Variants in BCL9 observed in about 807,000 individuals in gnomAD.
BCL9 encodes BCL9 transcription coactivator.
In BCL9, 25 loss-of-function variants were observed where a neutral mutation model predicts 88.5. That is an observed-to-expected ratio of 0.28 (90% CI 0.21 to 0.39). The LOEUF is 0.39. BCL9 is among the 10% of genes least tolerant of loss of function. The pLI is 1.00. For missense variants in BCL9, 1,817 were observed against 1,877.8 expected, an observed-to-expected ratio of 0.97 and a Z score of 0.60; for synonymous variants, 711 against 673.3, an observed-to-expected ratio of 1.06 and a Z score of -0.87.
chr1:147,583,604 A>AT (rs1275938697), intron 1 of BCL9, among the ~76,000 whole-genome samples: 39 of 151,080 alleles, frequency 2.6e-4, no homozygotes, highest in African/African-American at 4.4e-4. Flanking sequence ...TAATTTTATG[A>AT]TTTTTTTTTA....
intron 1 of BCL9, among the ~76,000 whole-genome samples, chr1:147,569,890 C>G (rs781843532): frequency 6.6e-6 from 1 of 151,960 alleles, no homozygotes; most frequent in Non-Finnish European, 1.5e-5. Context: ...AATCAGGTTT[C>G]TGGCTTAGGC....
chr1:147,618,831 G>C lies in BCL9; in HGVS notation c.676G>C (p.Ala226Pro). The C allele has an allele frequency of 6.4e-7, 1 of 1,554,502 alleles. No individual in the cohort carries two copies. The highest frequency in any genetic ancestry group is 2.3e-5 in the East Asian group (1 of 44,350). ...TTGTCTTCAGAACACACAGATATCTGCCCTTCGGAATGATCCGAAACCTCT... is the reference window on the plus strand; with the variant it reads ...TTGTCTTCAGAACACACAGATATCTCCCCTTCGGAATGATCCGAAACCTCT... The part of the protein sequence containing the change: ...STAPLNTQIS[A>P]LRNDPKPLPQ... Residue 226 changes from alanine to proline, a missense_variant, in exon 8 of 10, where the codon GCC (alanine) becomes CCC (proline). Ala to Pro is a conservative substitution (Grantham distance 27). Transcript: ENST00000234739.
chr1:147,619,535 C>T lies in BCL9; in HGVS notation c.1380C>T (p.Asp460=), dbSNP rs1553204645. Residue 460 remains aspartate, a synonymous_variant, in exon 8 of 10, where the codon GAC becomes GAT. Transcript: ENST00000234739. This position sits in a 1 kb window ranked among gnomAD's most constrained non-coding sequence, Gnocchi z 4.1. ...CCCAGTCTGGGACCATAGGACCCGA[C>T]CACCTTGACCATATGACTCCCGAGC... ...MNSQSGTIGP[D]HLDHMTPEQI... The T allele has an allele frequency of 1.9e-6, 3 of 1,614,018 alleles. No individual in the cohort carries two copies. The highest frequency in any genetic ancestry group is 2.7e-5 in the African/African-American group (2 of 74,906).
rs1553205663 is a variant in BCL9 at position 147,622,647 on chromosome 1, A to G, written c.3163+116A>G. 1.4e-5 allele frequency: 19 copies of G among 1,317,192 alleles called. No individual in the cohort carries two copies. The South Asian group carries it at 2.5e-4, about 17-fold the overall frequency. 81.6% of individuals were successfully genotyped at this position (1,317,192 alleles called of 1,614,324 possible). Reference sequence around the variant, plus strand: ...GGTGGAAGTTCAACAAGTAGAAAAAATCTTCCATCTAAGGTAGTTTCAGTA... The same window carrying G: ...GGTGGAAGTTCAACAAGTAGAAAAAGTCTTCCATCTAAGGTAGTTTCAGTA... On this transcript the variant is annotated intron_variant, in intron 9 of 9. Transcript: ENST00000234739.
intron 1 of BCL9, among the ~76,000 whole-genome samples, chr1:147,564,135 G>A (rs587602299): frequency 4.6e-5 from 7 of 152,264 alleles, no homozygotes; most frequent in South Asian, 4.1e-4. Context: ...CTCTATAGGC[G>A]TGTGATCTCA....
At chr1:147,570,896 A>G (rs1437718550) in intron 1 of BCL9, among the ~76,000 whole-genome samples, 3 of 151,710 alleles carry the variant, frequency 2.0e-5, no homozygotes, top group Admixed American at 6.6e-5. Context: ...CAGCCTCCCA[A>G]AGTGCTGGGA....
chr1:147,571,639 C>T (rs371176260), intron 1 of BCL9, among the ~76,000 whole-genome samples: 2 of 152,122 alleles, frequency 1.3e-5, no homozygotes, highest in Non-Finnish European at 2.9e-5. Context: ...CATTTTCCTA[C>T]AGAGGGACCT....
At chr1:147,557,531 C>A (rs1053994035) in intron 1 of BCL9, among the ~76,000 whole-genome samples, 6 of 152,084 alleles carry the variant, frequency 3.9e-5, no homozygotes, top group Non-Finnish European at 7.4e-5. Flanking sequence ...AGGGTAGAGG[C>A]TTGGTGATCG....
At chr1:147,581,197 G>C (rs1269437459) in intron 1 of BCL9, among the ~76,000 whole-genome samples, 3 of 152,128 alleles carry the variant, frequency 2.0e-5, no homozygotes, top group African/African-American at 7.2e-5. Context: ...ACTGGGAAAA[G>C]GCTTCCTTAT....
At chr1:147,614,679 C>G in intron 6 of BCL9, 63 bp downstream of exon 6, 1 of 1,452,014 alleles carries the variant, frequency 6.9e-7, no homozygotes, top group Non-Finnish European at 9.3e-7. Context: ...ATTCTTATTC[C>G]CATTGCAGAT....
intron 1 of BCL9, among the ~76,000 whole-genome samples, chr1:147,560,458 C>T (rs1221669208): frequency 1.3e-5 from 2 of 151,844 alleles, no homozygotes; most frequent in African/African-American, 2.4e-5. Context: ...GGCTTGGTGG[C>T]TGGTGCCTGT....
chr1:147,616,834 A>G (rs587740970), intron 7 of BCL9, among the ~76,000 whole-genome samples: 22 of 152,178 alleles, frequency 1.4e-4, no homozygotes, highest in African/African-American at 5.1e-4. Context: ...GAACCAAAAG[A>G]TACTTCTTGT....
At position 147,619,317 on chromosome 1, in the gene BCL9, C is replaced by T. The variant is rs782220173; in HGVS notation, c.1162C>T (p.Pro388Ser). 35 of 1,614,008 alleles carry T rather than the reference C, an allele frequency of 2.2e-5. No homozygotes were observed. Among genetic ancestry groups the T allele is most frequent in the Non-Finnish European group, 2.7e-5 (32 of 1,180,024 alleles). Residue 388 changes from proline (P) to serine (S), a missense_variant, in exon 8 of 10, where the codon CCG becomes TCG. Physicochemically the swap from Pro to Ser is moderately conservative, Grantham distance 74. Around this residue, in one of 2 missense-constraint regions of BCL9, gnomAD observed 1,228 missense variants for 1,191.6 expected, o/e 1.03. Transcript: ENST00000234739. This position sits in a 1 kb window ranked among gnomAD's most constrained non-coding sequence, Gnocchi z 4.1. ...KEFTGAQSGG[P>S]QQNPGVLDGP... ...ATTCACAGGAGCACAAAGTGGGGGA[C>T]CGCAGCAGAATCCTGGGGTATTAGA...
intron 1 of BCL9, among the ~76,000 whole-genome samples, chr1:147,603,850 T>A (rs1221348168): frequency 2.6e-5 from 4 of 152,174 alleles, no homozygotes; most frequent in Non-Finnish European, 5.9e-5. Context: ...TGTGCTCCTT[T>A]GGCAATCTAG....
rs782738869 is a variant in BCL9 at position 147,619,034 on chromosome 1, C to T, written c.879C>T (p.Ala293=). 1.2e-6 allele frequency: 2 copies of T among 1,609,978 alleles called. No homozygotes were observed. The highest frequency in any genetic ancestry group is 1.7e-6 in the Non-Finnish European group (2 of 1,177,750). The part of the protein sequence containing the change: ...NKLIPSVGSP[A]SSTPLPPDGT... ...TGATTCCTTCTGTAGGAAGTCCTGC[C>T]AGCTCCACTCCACTGCCCCCAGATG... Residue 293 remains alanine, a synonymous_variant, in exon 8 of 10, where the codon GCC becomes GCT. Coordinates refer to ENST00000234739, the MANE Select transcript of BCL9 (RefSeq NM_004326.4). The surrounding 1 kb of genome is among the most constrained non-coding windows in gnomAD (Gnocchi z 4.1).
At chr1:147,591,880 T>C (rs951502609) in intron 1 of BCL9, among the ~76,000 whole-genome samples, 4 of 152,166 alleles carry the variant, frequency 2.6e-5, no homozygotes, top group Non-Finnish European at 5.9e-5. Flanking sequence ...GTAATTCTGT[T>C]TAGAAATTAA....
chr1:147,556,475 A>G (rs1345991414), intron 1 of BCL9, among the ~76,000 whole-genome samples: 1 of 151,254 alleles, frequency 6.6e-6, no homozygotes, highest in East Asian at 2.0e-4. Context: ...TTTTTGAGAC[A>G]GAGTCTCCCT....
chr1:147,572,159 G>A (rs1161633786), intron 1 of BCL9, among the ~76,000 whole-genome samples: 4 of 152,096 alleles, frequency 2.6e-5, no homozygotes, highest in Non-Finnish European at 2.9e-5. Context: ...GGAGAATGGC[G>A]TGAACCCAGG....
intron 8 of BCL9, among the ~76,000 whole-genome samples, chr1:147,622,012 T>G (rs1224214828): frequency 6.6e-6 from 1 of 152,194 alleles, no homozygotes; most frequent in Non-Finnish European, 1.5e-5. Context: ...AAGCTTGAAC[T>G]AATATTTCTA....
Sources: gnomAD v4.1 joint callset for allele counts (sites outside exome capture counted in the v4.1 genomes callset) on GRCh38, gnomAD v4.1.1 for gene constraint, gnomAD v4.1.1 regional missense constraint, Gnocchi (gnomAD v3.1) non-coding constraint, MANE v1.5 for transcripts, NCBI Gene and HGNC (gene_info 2026-07-23, HGNC 2026-07-21) for gene names.